YLPM1: variants seen among roughly 807,000 people sequenced by gnomAD.
YLPM1 encodes the protein YLP motif-containing protein 1.
Under a neutral mutation model 230.0 loss-of-function variants are expected in YLPM1, and 99 were observed. The observed-to-expected ratio is 0.43, with a 90% CI of 0.37 to 0.51. YLPM1 has a LOEUF of 0.51. Ranked by LOEUF, YLPM1 falls within the 20% of genes least tolerant of loss-of-function variation. The probability of loss-of-function intolerance (pLI) is 0.00; values close to 1 mark genes in which losing one functional copy is unlikely to be tolerated. For synonymous variants in YLPM1, 984 were observed against 942.5 expected, an observed-to-expected ratio of 1.04 and a Z score of -0.81; for missense variants, 2,592 against 2,707.7, an observed-to-expected ratio of 0.96 and a Z score of 0.95.
In YLPM1 at chr14:74,797,613, G is replaced by T; in HGVS notation, c.2316G>T (p.Gly772=). 1 of 1,518,938 alleles carries T rather than the reference G, an allele frequency of 6.6e-7. No homozygotes were observed. The highest frequency in any genetic ancestry group is 1.3e-5 in the South Asian group (1 of 77,936). 94.1% of individuals were successfully genotyped at this position (1,518,938 alleles called of 1,614,324 possible). Residue 772 remains glycine (G), a synonymous_variant, in exon 5 of 21, where the codon GGG becomes GGT. Transcript: ENST00000325680. ...GTCCTCGAAGATTTGAGGATTTAGG[G>T]TCAAGGTGTGAAGGACCGAGACCCA... is the stretch of plus-strand genomic sequence containing the variant. The part of the protein sequence containing the change: ...FDGPRRFEDL[G]SRCEGPRPKG...
Position 74,781,368 on chromosome 14 carries a change from A to C in YLPM1, c.1325A>C (p.Glu442Ala). Residue 442 changes from glutamate (E) to alanine (A), a missense_variant, in exon 4 of 21, where the codon GAG (glutamate) becomes GCG (alanine). Around this residue, in one of 4 missense-constraint regions of YLPM1, gnomAD observed 1,862 missense variants for 1,819.8 expected, o/e 1.02. Coordinates refer to ENST00000325680, the MANE Select transcript of YLPM1 (RefSeq NM_019589.3). The stretch of plus-strand genomic sequence containing the variant: ...GTAGATATGCAGCTGCGGCATTATG[A>C]GATGCAGCAGCAACAGTTTCAACAT... ...MSVDMQLRHYEMQQQQFQHLY... is the reference protein window; with the variant it reads ...MSVDMQLRHYAMQQQQFQHLY... The C allele has an allele frequency of 6.3e-7, 1 of 1,579,742 alleles. No homozygotes were observed. The highest frequency in any genetic ancestry group is 8.6e-7 in the Non-Finnish European group (1 of 1,161,772).
At chr14:74,776,501 A>G (rs2091040157) in intron 1 of YLPM1, among the ~76,000 whole-genome samples, 1 of 152,250 alleles carries the variant, frequency 6.6e-6, no homozygotes, top group African/African-American at 2.4e-5. Flanking sequence ...CTCTTGGGAC[A>G]CTAAACAGCA....
At chr14:74,764,598 C>G (rs1250992920) in intron 1 of YLPM1, among the ~76,000 whole-genome samples, 2 of 152,174 alleles carry the variant, frequency 1.3e-5, no homozygotes, top group Admixed American at 1.3e-4. Flanking sequence ...TGGGGTGGCT[C>G]AAAAGTTACC....
At chr14:74,772,231 T>C (rs1318759333) in intron 1 of YLPM1, among the ~76,000 whole-genome samples, 1 of 151,916 alleles carries the variant, frequency 6.6e-6, no homozygotes, top group Admixed American at 6.6e-5. Context: ...TTTTTTTTTT[T>C]TTCTCAGAGA....
At chr14:74,819,533 C>T (rs913325953) in intron 16 of YLPM1, among the ~76,000 whole-genome samples, 3 of 152,108 alleles carry the variant, frequency 2.0e-5, no homozygotes, top group Non-Finnish European at 4.4e-5. Flanking sequence ...CCTCAGCCTC[C>T]GAAAGTGCTG....
At position 74,781,438 on chromosome 14, in the gene YLPM1, A is replaced by C; in HGVS notation, c.1395A>C (p.Gln465His). The C allele has an allele frequency of 6.2e-7, 1 of 1,610,800 alleles. No homozygotes were observed. Among genetic ancestry groups the C allele is most frequent in the Non-Finnish European group, 8.5e-7 (1 of 1,178,352 alleles). The change falls in exon 4 of 21, where the codon CAA (glutamine) becomes CAC (histidine). Residue 465 changes from glutamine (Q) to histidine (H), a missense_variant. Gln to His is a conservative substitution (Grantham distance 24, BLOSUM62 0). Transcript: ENST00000325680. The part of the protein sequence containing the change: ...WEREFQLWEE[Q>H]LHSYPHKDQL... ...GAGAGTTTCAGCTATGGGAGGAACA[A>C]CTCCATTCCTATCCTCATAAAGATC...
In YLPM1 at chr14:74,836,218, TTTA is replaced by T; in HGVS notation, c.*483_*485del. 6.4e-6 allele frequency: 1 copy of T among 156,514 alleles called. No homozygotes were observed. The highest frequency in any genetic ancestry group is 1.4e-5 in the Non-Finnish European group (1 of 70,706). 9.7% of individuals were successfully genotyped at this position (156,514 alleles called of 1,614,324 possible). On this transcript the variant is annotated 3_prime_UTR_variant, in exon 21 of 21. Coordinates refer to ENST00000325680, the MANE Select transcript of YLPM1 (RefSeq NM_019589.3). ...GGCCCTTTTCTCTTGTTTTCTTAAT[TTTA>T]TTTTTAATTGCTTTTTAAATATGGT... is the stretch of plus-strand genomic sequence containing the variant.
rs1234040265 is a variant in YLPM1, at chr14:74,798,433, A to G, written c.3136A>G (p.Ser1046Gly). 1 of 1,614,016 alleles carries G rather than the reference A, an allele frequency of 6.2e-7. No homozygotes were observed. Among genetic ancestry groups the G allele is most frequent in the Non-Finnish European group, 8.5e-7 (1 of 1,179,900 alleles). ...LVNRGRGQAI[S>G]RGPGLVKQED... ...AAACAGAGGTCGCGGCCAGGCAATC[A>G]GTCGAGGCCCAGGATTGGTCAAGCA... The change falls in exon 5 of 21, where the codon AGT (serine) becomes GGT (glycine). Residue 1046 changes from serine to glycine, a missense_variant. Physicochemically the swap from Ser to Gly is moderately conservative, Grantham distance 56. Around this residue, in one of 4 missense-constraint regions of YLPM1, gnomAD observed 1,862 missense variants for 1,819.8 expected, o/e 1.02. Transcript: ENST00000325680.
chr14:74,763,666 G>T lies in YLPM1; in HGVS notation c.177G>T (p.Ala59=). Reference sequence around the variant, plus strand: ...TGAGCTTCCGCGAACAGCACTTGGCGCAGCTCCAGCAGCTGCAGCAGATGC... The same window carrying T: ...TGAGCTTCCGCGAACAGCACTTGGCTCAGCTCCAGCAGCTGCAGCAGATGC... ...GFMSFREQHL[A]QLQQLQQMHQ... is the part of the protein sequence containing the mutation. The change falls in exon 1 of 21, where the codon GCG becomes GCT. Residue 59 remains alanine (A), a synonymous_variant. Coordinates refer to ENST00000325680, the MANE Select transcript of YLPM1 (RefSeq NM_019589.3). 6.3e-7 allele frequency: 1 copy of T among 1,576,078 alleles called. No individual in the cohort carries two copies. The highest frequency in any genetic ancestry group is 8.6e-7 in the Non-Finnish European group (1 of 1,158,436).
At chr14:74,780,695 A>G in intron 3 of YLPM1, 111 bp downstream of exon 3, 2 of 1,471,828 alleles carry the variant, frequency 1.4e-6, no homozygotes, top group Non-Finnish European at 1.8e-6. Context: ...GTTGACAATT[A>G]GTTGTTTCCC....
At position 74,798,956 on chromosome 14, in the gene YLPM1, A is replaced by G. The variant is rs2091294847; in HGVS notation, c.3659A>G (p.Asp1220Gly). 1.2e-6 allele frequency: 2 copies of G among 1,613,794 alleles called. No individual in the cohort carries two copies. Among genetic ancestry groups the G allele is most frequent in the Admixed American group, 1.7e-5 (1 of 59,992 alleles). ...CCAATGGAACGAGAAAGACTCGATG[A>G]CTGGGATAGAGAGAGATACTGGAGA... ...NAPMERERLDDWDRERYWREC... is the reference protein window; with the variant it reads ...NAPMERERLDGWDRERYWREC... Residue 1220 changes from aspartate to glycine, a missense_variant, in exon 5 of 21, where the codon GAC becomes GGC. This residue lies in a region of YLPM1 where 1,862 missense variants were observed against 1,819.8 expected (regional missense o/e 1.02). Coordinates refer to ENST00000325680, the MANE Select transcript of YLPM1 (RefSeq NM_019589.3).
rs752639385 is a variant in YLPM1 at position 74,810,389 on chromosome 14, T to G, written c.5197T>G (p.Phe1733Val). 8.2e-5 allele frequency: 133 copies of G among 1,613,562 alleles called. No homozygotes were observed. The highest frequency in any genetic ancestry group is 1.1e-4 in the Non-Finnish European group (127 of 1,179,800). The change falls in exon 9 of 21, where the codon TTT becomes GTT. Residue 1733 changes from phenylalanine to valine, a missense_variant. Transcript: ENST00000325680. ...RGVIDYDRDR[F>V]DRERRPRDDR... is the part of the protein sequence containing the mutation. ...TGTTATTGACTATGACCGGGATCGA[T>G]TTGACAGAGAACGCCGACCCCGAGA...
At chr14:74,772,792 G>C (rs905913502) in intron 1 of YLPM1, among the ~76,000 whole-genome samples, 1 of 152,184 alleles carries the variant, frequency 6.6e-6, no homozygotes, top group Non-Finnish European at 1.5e-5. Context: ...GGGACATTCA[G>C]AAGAGCTGGC....
At chr14:74,811,898 A>G (rs2091438309) in intron 10 of YLPM1, among the ~76,000 whole-genome samples, 160 bp downstream of exon 10, 1 of 152,218 alleles carries the variant, frequency 6.6e-6, no homozygotes, top group Admixed American at 6.6e-5. Context: ...AATTAATGAA[A>G]TAAAGCATGT....
chr14:74,809,845 A>G (rs754637270), intron 7 of YLPM1, 48 bp downstream of exon 7: 1 of 1,608,832 alleles, frequency 6.2e-7, no homozygotes, highest in South Asian at 1.1e-5. Flanking sequence ...AGGAATTGTT[A>G]GCTTCAGCTT....
In YLPM1 at chr14:74,798,824, G is replaced by C; in HGVS notation, c.3527G>C (p.Gly1176Ala). The C allele has an allele frequency of 6.2e-7, 1 of 1,613,904 alleles. No homozygotes were observed. Among genetic ancestry groups the C allele is most frequent in the Non-Finnish European group, 8.5e-7 (1 of 1,179,858 alleles). ...CCATTCAGACCAGAACCAGGAGATG[G>C]TGGGGAAAAAATGTATCCATATCAC... ...RGPFRPEPGD[G>A]GEKMYPYHRD... is the part of the protein sequence containing the mutation. The change falls in exon 5 of 21, where the codon GGT becomes GCT. Residue 1176 changes from glycine (G) to alanine (A), a missense_variant. Physicochemically the swap from Gly to Ala is moderately conservative, Grantham distance 60. Transcript: ENST00000325680.
Position 74,816,973 on chromosome 14 carries a change from C to T in YLPM1, c.5728C>T (p.Arg1910Cys), listed in dbSNP as rs1333871561. 2.5e-6 allele frequency: 4 copies of T among 1,602,028 alleles called. No homozygotes were observed. The highest frequency in any genetic ancestry group is 3.4e-6 in the Non-Finnish European group (4 of 1,175,832). The change falls in exon 14 of 21, where the codon CGC becomes TGC. Residue 1910 changes from arginine (R) to cysteine (C), a missense_variant. Transcript: ENST00000325680. ...EYEAEMEETY[R>C]TSMFKTFKKT... The stretch of plus-strand genomic sequence containing the variant: ...TGAAGCTGAGATGGAGGAGACTTAC[C>T]GCACCAGCATGTTCAAAACTTTCAA...
chr14:74,828,133 A>G, intron 18 of YLPM1: 1 of 451,544 alleles, frequency 2.2e-6, no homozygotes, highest in Non-Finnish European at 2.9e-6. Flanking sequence ...ACGTAAACTC[A>G]CCCTTTCTGC....
At chr14:74,767,000 CAG>C (rs1555364960) in intron 1 of YLPM1, among the ~76,000 whole-genome samples, 1 of 150,726 alleles carries the variant, frequency 6.6e-6, no homozygotes, top group Non-Finnish European at 1.5e-5. Context: ...TCTCCTGCCT[CAG>C]CCTCCTGAGT....
Sources: allele counts gnomAD v4.1 joint callset (sites outside exome capture counted in the v4.1 genomes callset), GRCh38; gene constraint gnomAD v4.1.1; regional missense constraint gnomAD v4.1.1; transcripts MANE v1.5; gene names NCBI Gene and HGNC (gene_info 2026-07-23, HGNC 2026-07-21).